SAMSN1: variants seen among roughly 807,000 people sequenced by gnomAD.
The protein encoded by SAMSN1 is SAM domain-containing protein SAMSN-1.
In SAMSN1, 31 loss-of-function variants were observed where a neutral mutation model predicts 42.0. The ratio of observed to expected loss-of-function variants is 0.74; its 90% confidence interval spans 0.55 to 1.00. The LOEUF (loss-of-function observed/expected upper bound fraction) is 1.00. Ranked by LOEUF, SAMSN1 falls within the 50% of genes least tolerant of loss-of-function variation. The pLI is 0.00. For synonymous variants in SAMSN1, 178 were observed against 151.9 expected, an observed-to-expected ratio of 1.17 and a Z score of -1.26; for missense variants, 464 against 439.4, an observed-to-expected ratio of 1.06 and a Z score of -0.50.
intron 2 of SAMSN1, chr21:14,642,941 CAA>C (rs1387495625): frequency 2.9e-6 from 2 of 688,450 alleles, no homozygotes; most frequent in Non-Finnish European, 5.4e-6. Context: ...TATCATTAGG[CAA>C]GAGATTCTAG....
chr21:14,603,368 A>G (rs924596627), intron 5 of SAMSN1, among the ~76,000 whole-genome samples: 3 of 152,226 alleles, frequency 2.0e-5, no homozygotes, highest in African/African-American at 7.2e-5. Context: ...CACTTTCATA[A>G]CAACACAAGG....
At chr21:14,580,209 A>C (rs1259388118) in intron 2 of SAMSN1, among the ~76,000 whole-genome samples, 1 of 152,242 alleles carries the variant, frequency 6.6e-6, no homozygotes, top group Admixed American at 6.5e-5. Flanking sequence ...AGAGGGAAGA[A>C]AGTGTGAGAC....
chr21:14,637,597 G>A (rs1202452820), intron 2 of SAMSN1, among the ~76,000 whole-genome samples: 1 of 152,076 alleles, frequency 6.6e-6, no homozygotes, highest in Non-Finnish European at 1.5e-5. Context: ...CTGCTATTGA[G>A]AATGACTGCC....
chr21:14,526,403 A>G (rs573068141), intron 1 of SAMSN1, among the ~76,000 whole-genome samples: 2 of 152,336 alleles, frequency 1.3e-5, no homozygotes, highest in South Asian at 4.1e-4. Context: ...GGCTTACCCA[A>G]AAATAGTACA....
chr21:14,490,775 C>T (rs1281589275), intron 7 of SAMSN1, among the ~76,000 whole-genome samples: 6 of 152,304 alleles, frequency 3.9e-5, no homozygotes, highest in Non-Finnish European at 8.8e-5. Context: ...AATGACTTCC[C>T]CTCCTCTTGC....
chr21:14,652,237 A>G (rs976573058), intron 1 of SAMSN1, among the ~76,000 whole-genome samples: 4 of 152,096 alleles, frequency 2.6e-5, no homozygotes, highest in Non-Finnish European at 5.9e-5. Context: ...AGCCAAAGCT[A>G]TCCTAAGCAA....
intron 1 of SAMSN1, among the ~76,000 whole-genome samples, chr21:14,523,107 T>A (rs889575668): frequency 5.3e-5 from 8 of 152,128 alleles, no homozygotes; most frequent in Admixed American, 2.0e-4. Context: ...GAGAAAACTG[T>A]TTTTGGAGGA....
intron 2 of SAMSN1, among the ~76,000 whole-genome samples, chr21:14,579,350 G>C (rs1297975687): frequency 6.6e-6 from 1 of 152,020 alleles, no homozygotes; most frequent in Admixed American, 6.6e-5. Flanking sequence ...TATTAAAATA[G>C]ACAAAACTAC....
chr21:14,530,233 C>T (rs1234129987), intron 1 of SAMSN1, among the ~76,000 whole-genome samples: 6 of 144,358 alleles, frequency 4.2e-5, no homozygotes, highest in African/African-American at 1.0e-4. Context: ...AGGAGAATGG[C>T]GTGAACCTGG....
intron 7 of SAMSN1, chr21:14,591,332 A>G (rs544019074): frequency 6.6e-6 from 1 of 152,188 alleles, no homozygotes; most frequent in Non-Finnish European, 1.5e-5. Flanking sequence ...ATGAGGACCT[A>G]ATTTATTACT....
chr21:14,516,431 T>C (rs1233147398), intron 3 of SAMSN1, among the ~76,000 whole-genome samples: 1 of 152,164 alleles, frequency 6.6e-6, no homozygotes, highest in African/African-American at 2.4e-5. Flanking sequence ...CTTGCTCTGT[T>C]GCCAGGCTGA....
chr21:14,545,857 CG>C (rs1980358330), intron 1 of SAMSN1, among the ~76,000 whole-genome samples: 4 of 152,214 alleles, frequency 2.6e-5, no homozygotes, highest in African/African-American at 7.2e-5. Flanking sequence ...GTTCAATAGA[CG>C]TTGACAATCT....
intron 2 of SAMSN1, among the ~76,000 whole-genome samples, chr21:14,617,696 C>T (rs1982876889): frequency 6.6e-6 from 1 of 152,140 alleles, no homozygotes; most frequent in African/African-American, 2.4e-5. Flanking sequence ...ACAAGATTTG[C>T]AATAAGGAAT....
intron 4 of SAMSN1, among the ~76,000 whole-genome samples, chr21:14,610,976 A>G (rs1465581000): frequency 1.3e-5 from 2 of 152,170 alleles, no homozygotes; most frequent in African/African-American, 4.8e-5. Flanking sequence ...CCCAGGTTGG[A>G]GTACAGTGGT....
chr21:14,513,154 A>T (rs562144181), intron 3 of SAMSN1, among the ~76,000 whole-genome samples: 2 of 152,368 alleles, frequency 1.3e-5, no homozygotes, highest in African/African-American at 4.8e-5. Flanking sequence ...AAATTAGAAA[A>T]GACAGACAAT....
chr21:14,517,549 C>T (rs1987970895), intron 2 of SAMSN1, among the ~76,000 whole-genome samples: 1 of 152,150 alleles, frequency 6.6e-6, no homozygotes, highest in African/African-American at 2.4e-5. Flanking sequence ...ATTAAATCCA[C>T]TGAGAAATGT....
chr21:14,547,844 T>A (rs1299565066), upstream of SAMSN1, among the ~76,000 whole-genome samples: 1 of 152,214 alleles, frequency 6.6e-6, no homozygotes, highest in Non-Finnish European at 1.5e-5. Flanking sequence ...TATAACAGAA[T>A]TGAAAGAATA....
intron 5 of SAMSN1, among the ~76,000 whole-genome samples, chr21:14,605,928 G>A (rs1438986592): frequency 2.6e-5 from 4 of 151,610 alleles, no homozygotes; most frequent in Admixed American, 6.6e-5. Flanking sequence ...TGCAAGCTCC[G>A]CCTCCCAGGT....
intron 6 of SAMSN1, among the ~76,000 whole-genome samples, chr21:14,594,446 G>A (rs1161508027): frequency 5.3e-5 from 8 of 152,192 alleles, no homozygotes; most frequent in South Asian, 2.1e-4. Flanking sequence ...GGGGGATCCC[G>A]AATGTTTTAT....
Sources: allele counts gnomAD v4.1 joint callset (sites outside exome capture counted in the v4.1 genomes callset), GRCh38; gene constraint gnomAD v4.1.1; transcripts MANE v1.5; gene names NCBI Gene and HGNC (gene_info 2026-07-23, HGNC 2026-07-21).